The following TGIF1 variants were observed in gnomAD, a reference collection of about 807,000 sequenced individuals.
TGIF1 encodes the protein homeobox protein TGIF1.
A neutral mutation model predicts 19.3 loss-of-function variants in TGIF1; 4 were observed. The ratio of observed to expected loss-of-function variants is 0.21; its 90% CI spans 0.10 to 0.47. The LOEUF is 0.47. Among genes scored for constraint, TGIF1 ranks in the 20% least tolerant of loss-of-function variants. TGIF1 has a pLI of 0.98. For synonymous variants in TGIF1, 122 were observed against 129.3 expected, an observed-to-expected ratio of 0.94 and a Z score of 0.38; for missense variants, 275 against 341.4, an observed-to-expected ratio of 0.81 and a Z score of 1.53.
intron 2 of TGIF1, among the ~76,000 whole-genome samples, chr18:3,432,764 TG>T (rs897263695): frequency 2.0e-5 from 3 of 151,870 alleles, no homozygotes; most frequent in Non-Finnish European, 4.4e-5. Context: ...TTTTTTTGTT[TG>T]TTTTTTTTTT....
upstream of TGIF1, chr18:3,448,079 G>GC (rs1004572547): frequency 1.2e-4 from 114 of 977,446 alleles, no homozygotes; most frequent in Non-Finnish European, 1.3e-4. Flanking sequence ...CGGGCGGGGG[G>GC]GGAGGTAGGG....
chr18:3,423,485 C>T (rs1295619180), intron 2 of TGIF1, among the ~76,000 whole-genome samples: 1 of 152,002 alleles, frequency 6.6e-6, no homozygotes, highest in Non-Finnish European at 1.5e-5. Flanking sequence ...CGAGACCTTC[C>T]TGGCTAACAC....
chr18:3,413,201 A>T (rs1006231740), intron 1 of TGIF1, among the ~76,000 whole-genome samples: 6 of 152,350 alleles, frequency 3.9e-5, no homozygotes, highest in African/African-American at 1.4e-4. Context: ...TTAATAGAGT[A>T]AAAAAGAATG....
At chr18:3,431,651 AGG>A (rs1371794458) in intron 2 of TGIF1, among the ~76,000 whole-genome samples, 4 of 152,128 alleles carry the variant, frequency 2.6e-5, no homozygotes, top group Non-Finnish European at 5.9e-5. Flanking sequence ...ATAAAACTAA[AGG>A]GTAAAAGTTT....
upstream of TGIF1, among the ~76,000 whole-genome samples, chr18:3,446,247 G>A (rs1438433571): frequency 6.6e-6 from 1 of 152,102 alleles, no homozygotes; most frequent in African/African-American, 2.4e-5. Context: ...GCAATGGCAC[G>A]ATCTCAGCTT....
intron 1 of TGIF1, chr18:3,452,252 G>C: frequency 6.2e-7 from 1 of 1,609,398 alleles, no homozygotes. Context: ...GCCCACAGCC[G>C]CGTGCCCTCT....
chr18:3,454,047 T>C (rs1160083782), intron 1 of TGIF1, among the ~76,000 whole-genome samples: 1 of 152,242 alleles, frequency 6.6e-6, no homozygotes, highest in African/African-American at 2.4e-5. Flanking sequence ...AAATATCAGC[T>C]GGCGTAGCCA....
intron 2 of TGIF1, among the ~76,000 whole-genome samples, chr18:3,427,722 C>G (rs1241108835): frequency 6.6e-6 from 1 of 151,892 alleles, no homozygotes; most frequent in East Asian, 1.9e-4. Context: ...GCCTCAGCCA[C>G]CCGAGTAACT....
upstream of TGIF1, chr18:3,449,538 T>TGCCCCCCCCCCCCCC: frequency 1.0e-6 from 1 of 961,948 alleles, no homozygotes; most frequent in Non-Finnish European, 1.2e-6. Context: ...GTCTCATCAT[T>TGCCCCCCCCCCCCCC]CCCCCCCGCC....
Position 3,412,092 on chromosome 18 carries a change from G to C in TGIF1, c.-280G>C, listed in dbSNP as rs1450950481. 4 of 156,972 alleles carry C rather than the reference G, an allele frequency of 2.5e-5. No homozygotes were observed. In the Admixed American group the frequency reaches 2.6e-4, roughly 10 times the overall value. 9.7% of individuals were successfully genotyped at this position (156,972 alleles called of 1,614,324 possible). Reference sequence around the variant, plus strand: ...AGCGGGGCAAAGGCCAGGCCTGACGGAAGAGCCCAGCCTTCGCCGAGGGCC... The same window carrying C: ...AGCGGGGCAAAGGCCAGGCCTGACGCAAGAGCCCAGCCTTCGCCGAGGGCC... On this transcript the variant is annotated 5_prime_UTR_variant, in exon 1 of 4. Transcript: ENST00000401449.
In TGIF1 at chr18:3,458,139, G is replaced by A; in HGVS notation, c.*199G>A. On this transcript the variant is annotated 3_prime_UTR_variant, in exon 3 of 3. Coordinates refer to ENST00000343820, the MANE Select transcript of TGIF1 (RefSeq NM_003244.4). ...CTTAAAGCTACTGTAGAAACAAAGG[G>A]TTTTCTTTTTTAAATGTTTCTTGGT... is the stretch of plus-strand genomic sequence containing the variant. 1.8e-6 allele frequency: 1 copy of A among 562,708 alleles called. No individual in the cohort carries two copies. Among genetic ancestry groups the A allele is most frequent in the Non-Finnish European group, 3.1e-6 (1 of 323,402 alleles). The allele number at this position is 562,708 out of a possible 1,614,324, so 34.9% of individuals were successfully genotyped here.
chr18:3,433,476 A>G (rs774220521), intron 2 of TGIF1, among the ~76,000 whole-genome samples: 6 of 152,238 alleles, frequency 3.9e-5, no homozygotes, highest in Non-Finnish European at 8.8e-5. Context: ...AAGGTTGAAG[A>G]CACTATGCTA....
At position 3,457,988 on chromosome 18, in the gene TGIF1, T is replaced by A; in HGVS notation, c.*48T>A. On this transcript the variant is annotated 3_prime_UTR_variant, in exon 3 of 3. Transcript: ENST00000343820. This position sits in a 1 kb window ranked among gnomAD's most constrained non-coding sequence, Gnocchi z 4.9. ...CTCAGAAATGTCATGATTGCCGGGGTGAAGGCAAGAGATGAATTGCATTAT... is the reference window on the plus strand; with the variant it reads ...CTCAGAAATGTCATGATTGCCGGGGAGAAGGCAAGAGATGAATTGCATTAT... 2 of 1,538,436 alleles carry A rather than the reference T, an allele frequency of 1.3e-6. No individual in the cohort carries two copies. The highest frequency in any genetic ancestry group is 1.1e-5 in the South Asian group (1 of 89,670).
At chr18:3,417,786 A>G (rs1291805057) in intron 1 of TGIF1, among the ~76,000 whole-genome samples, 2 of 152,138 alleles carry the variant, frequency 1.3e-5, no homozygotes, top group Admixed American at 6.5e-5. Context: ...ATTGACATAT[A>G]TCACTTTTGG....
At chr18:3,428,313 C>T (rs563905556) in intron 2 of TGIF1, among the ~76,000 whole-genome samples, 4 of 152,158 alleles carry the variant, frequency 2.6e-5, no homozygotes, top group Non-Finnish European at 5.9e-5. Context: ...GCACTTCCGA[C>T]GTGCATGGCA....
At chr18:3,440,224 G>A (rs2082664813) in intron 2 of TGIF1, among the ~76,000 whole-genome samples, 1 of 151,960 alleles carries the variant, frequency 6.6e-6, no homozygotes, top group Non-Finnish European at 1.5e-5. Context: ...GGTGGTTCAT[G>A]CCTGTATTCC....
intron 2 of TGIF1, among the ~76,000 whole-genome samples, chr18:3,431,406 A>G (rs2082545117): frequency 1.3e-5 from 2 of 152,224 alleles, no homozygotes; most frequent in Admixed American, 6.5e-5. Flanking sequence ...ATTGCACTCC[A>G]GTCTGGGCGA....
intron 2 of TGIF1, among the ~76,000 whole-genome samples, chr18:3,423,170 C>T (rs930970656): frequency 6.6e-6 from 1 of 152,136 alleles, no homozygotes; most frequent in Non-Finnish European, 1.5e-5. Context: ...TGTCTGAGTA[C>T]ACGCCTAACA....
intron 1 of TGIF1, among the ~76,000 whole-genome samples, chr18:3,450,754 A>G (rs561870273): frequency 2.6e-5 from 4 of 152,322 alleles, no homozygotes; most frequent in Admixed American, 2.0e-4. Context: ...AAACACGCTC[A>G]GCGCCTTGTT....
Sources: gnomAD v4.1 joint callset for allele counts (sites outside exome capture counted in the v4.1 genomes callset) on GRCh38, gnomAD v4.1.1 for gene constraint, Gnocchi (gnomAD v3.1) non-coding constraint, MANE v1.5 for transcripts, NCBI Gene and HGNC (gene_info 2026-07-23, HGNC 2026-07-21) for gene names.